ACTN1: variants seen among roughly 807,000 people sequenced by gnomAD.
ACTN1 encodes the protein actinin alpha 1, also known as alpha-actinin-1.
In ACTN1, 30 loss-of-function variants were observed where a neutral mutation model predicts 119.6. The observed-to-expected ratio is 0.25, with a 90% CI of 0.19 to 0.34. ACTN1 has a LOEUF of 0.34. Ranked by LOEUF, ACTN1 falls within the 10% of genes least tolerant of loss-of-function variation. The pLI, the probability that ACTN1 is intolerant of heterozygous loss-of-function variation, is 1.00. For synonymous variants in ACTN1, 429 were observed against 472.6 expected, an observed-to-expected ratio of 0.91 and a Z score of 1.20; for missense variants, 764 against 1,223.4, an observed-to-expected ratio of 0.62 and a Z score of 5.60.
chr14:68,878,900 T>C lies in ACTN1; in HGVS notation c.2361+89A>G. On this transcript the variant is annotated intron_variant, in intron 19 of 21. Transcript: ENST00000394419. This position sits in a 1 kb window ranked among gnomAD's most constrained non-coding sequence, Gnocchi z 4.4. ...TGGCCCACAGGAGGGGGACAGGAGA[T>C]CCAGACAGAGAGAAGAGAAAAAGGA... 6.2e-7 allele frequency: 1 copy of C among 1,602,152 alleles called. No individual in the cohort carries two copies. Among genetic ancestry groups the C allele is most frequent in the South Asian group, 1.1e-5 (1 of 90,782 alleles).
intron 8 of ACTN1, among the ~76,000 whole-genome samples, chr14:68,895,598 C>T (rs982279433): frequency 5.3e-5 from 8 of 152,122 alleles, no homozygotes; most frequent in African/African-American, 1.2e-4. Context: ...TGTGCCACCC[C>T]GGAAGACTAT....
At chr14:68,962,333 A>G (rs1372026652) in intron 1 of ACTN1, among the ~76,000 whole-genome samples, 1 of 152,066 alleles carries the variant, frequency 6.6e-6, no homozygotes, top group Non-Finnish European at 1.5e-5. Context: ...GAGTGAGCTC[A>G]TTCCCTTCCA....
Position 68,879,782 on chromosome 14 carries a change from C to A in ACTN1, c.2280+180G>T. ...GAAAGCAGGGAAGCTTATGGGGCAC[C>A]AACACAGGTTTTCCAAGGCTGGTTT... On this transcript the variant is annotated intron_variant, in intron 18 of 21. Coordinates refer to ENST00000394419, the MANE Select transcript of ACTN1 (RefSeq NM_001130004.2). This position sits in a 1 kb window ranked among gnomAD's most constrained non-coding sequence, Gnocchi z 4.9. The A allele has an allele frequency of 1.3e-6, 1 of 792,758 alleles. No homozygotes were observed. Among genetic ancestry groups the A allele is most frequent in the Admixed American group, 3.0e-5 (1 of 33,808 alleles). 49.1% of individuals were successfully genotyped at this position (792,758 alleles called of 1,614,324 possible).
intron 2 of ACTN1, among the ~76,000 whole-genome samples, chr14:68,924,318 G>GA (rs1411300682): frequency 6.6e-6 from 1 of 152,022 alleles, no homozygotes; most frequent in Non-Finnish European, 1.5e-5. Context: ...TCTGAAAGTA[G>GA]AAAAAACTAC....
At chr14:68,921,239 A>G (rs552643660) in intron 2 of ACTN1, 114 bp from the exon 3 acceptor site, 3 of 1,378,830 alleles carry the variant, frequency 2.2e-6, no homozygotes, top group South Asian at 2.7e-5. Context: ...AAGCATGTGC[A>G]TGTGTGCACG....
chr14:68,876,181 A>G (rs79814501), intron 21 of ACTN1, among the ~76,000 whole-genome samples: 9,590 of 152,176 alleles, frequency 0.063, 339 homozygotes, highest in East Asian at 0.14. Context: ...TATTTTTAGT[A>G]GAGACAAGGT....
At chr14:68,963,912 T>C (rs1294807438) in intron 1 of ACTN1, among the ~76,000 whole-genome samples, 3 of 152,194 alleles carry the variant, frequency 2.0e-5, no homozygotes, top group Admixed American at 1.3e-4. Flanking sequence ...GTGTGAATTT[T>C]CCATAAGTTT....
intron 1 of ACTN1, among the ~76,000 whole-genome samples, chr14:68,954,927 C>A (rs1447631861): frequency 6.6e-6 from 1 of 152,174 alleles, no homozygotes. Flanking sequence ...GATGAAGTGT[C>A]CTGGAGATCC....
Position 68,885,742 on chromosome 14 carries a change from C to T in ACTN1, c.1235-167G>A. On this transcript the variant is annotated intron_variant, in intron 11 of 21. Coordinates refer to ENST00000394419, the MANE Select transcript of ACTN1 (RefSeq NM_001130004.2). The surrounding 1 kb of genome is among the most constrained non-coding windows in gnomAD (Gnocchi z 5.6). ...TGCAAAAGCAGATGTGCAACTAGAA[C>T]ATCCACCAACCGGCGCAACGGGGAA... 4.0e-6 allele frequency: 3 copies of T among 746,840 alleles called. No homozygotes were observed. The highest frequency in any genetic ancestry group is 3.8e-5 in the South Asian group (2 of 53,224). 46.3% of individuals were successfully genotyped at this position (746,840 alleles called of 1,614,324 possible).
chr14:68,921,253 G>GT (rs1379242925), intron 2 of ACTN1, 128 bp from the exon 3 acceptor site: 1 of 1,211,584 alleles, frequency 8.3e-7, no homozygotes, highest in Non-Finnish European at 1.1e-6. Flanking sequence ...GTGCACGTGT[G>GT]TGTGTGCTCA....
At chr14:68,905,298 C>A (rs1232861929) in intron 6 of ACTN1, among the ~76,000 whole-genome samples, 1 of 152,174 alleles carries the variant, frequency 6.6e-6, no homozygotes, top group Admixed American at 6.5e-5. Context: ...GAACACTTAG[C>A]GGGGCTTGGC....
chr14:68,950,565 CTT>C (rs558318048), intron 1 of ACTN1, among the ~76,000 whole-genome samples: 4 of 141,870 alleles, frequency 2.8e-5, no homozygotes, highest in Non-Finnish European at 4.6e-5. Context: ...GCATGTCAAA[CTT>C]TTTTTTTTTT....
intron 1 of ACTN1, among the ~76,000 whole-genome samples, chr14:68,944,626 C>A (rs1475408426): frequency 6.6e-6 from 1 of 152,114 alleles, no homozygotes; most frequent in Non-Finnish European, 1.5e-5. Flanking sequence ...TCCTGGAAGG[C>A]ATAAGGCTAA....
intron 1 of ACTN1, among the ~76,000 whole-genome samples, chr14:68,946,473 G>C (rs879396004): frequency 1.3e-5 from 2 of 152,084 alleles, no homozygotes; most frequent in Admixed American, 6.5e-5. Context: ...AAACTTCCCA[G>C]CCCAATAAAA....
Position 68,885,995 on chromosome 14 carries a change from C to A in ACTN1, c.1235-420G>T. 1 of 180,394 alleles carries A rather than the reference C, an allele frequency of 5.5e-6. No individual in the cohort carries two copies. The highest frequency in any genetic ancestry group is 1.2e-5 in the Non-Finnish European group (1 of 83,650). 11.2% of individuals were successfully genotyped at this position (180,394 alleles called of 1,614,324 possible). On this transcript the variant is annotated intron_variant, in intron 11 of 21. Transcript: ENST00000394419. This position sits in a 1 kb window ranked among gnomAD's most constrained non-coding sequence, Gnocchi z 5.6. ...CTGGCTGCCGGCAGCCCTGCAGGGG[C>A]CCCTTCCCTCGGTCAGTGTGTCCAG...
rs2031947012 is a variant in ACTN1, at chr14:68,885,730, G to A, written c.1235-155C>T. ...GGATCTGCAGGGTGCAAAAGCAGAT[G>A]TGCAACTAGAACATCCACCAACCGG... On this transcript the variant is annotated intron_variant, in intron 11 of 21. Coordinates refer to ENST00000394419, the MANE Select transcript of ACTN1 (RefSeq NM_001130004.2). The surrounding 1 kb of genome is among the most constrained non-coding windows in gnomAD (Gnocchi z 5.6). 1.2e-6 allele frequency: 1 copy of A among 850,260 alleles called. No individual in the cohort carries two copies. Among genetic ancestry groups the A allele is most frequent in the Admixed American group, 2.9e-5 (1 of 34,862 alleles). The allele number at this position is 850,260 out of a possible 1,614,324, so 52.7% of individuals were successfully genotyped here.
chr14:68,967,251 T>C (rs954733340), intron 1 of ACTN1, among the ~76,000 whole-genome samples: 2 of 152,186 alleles, frequency 1.3e-5, no homozygotes, highest in Non-Finnish European at 2.9e-5. Context: ...CCTTGGTGAC[T>C]CAGACTACCA....
rs1043692973 is a variant in ACTN1, at chr14:68,885,733, C to T, written c.1235-158G>A. 1 of 807,278 alleles carries T rather than the reference C, an allele frequency of 1.2e-6. No homozygotes were observed. Among genetic ancestry groups the T allele is most frequent in the Non-Finnish European group, 1.9e-6 (1 of 525,564 alleles). The allele number at this position is 807,278 out of a possible 1,614,324, so 50.0% of individuals were successfully genotyped here. On this transcript the variant is annotated intron_variant, in intron 11 of 21. Transcript: ENST00000394419. The surrounding 1 kb of genome is among the most constrained non-coding windows in gnomAD (Gnocchi z 5.6). Reference sequence around the variant, plus strand: ...TCTGCAGGGTGCAAAAGCAGATGTGCAACTAGAACATCCACCAACCGGCGC... The same window carrying T: ...TCTGCAGGGTGCAAAAGCAGATGTGTAACTAGAACATCCACCAACCGGCGC...
At chr14:68,945,467 T>A (rs954660886) in intron 1 of ACTN1, among the ~76,000 whole-genome samples, 1 of 152,158 alleles carries the variant, frequency 6.6e-6, no homozygotes, top group Non-Finnish European at 1.5e-5. Flanking sequence ...GCCAATCAGA[T>A]GCTGGTTACA....
Sources: allele counts gnomAD v4.1 joint callset (sites outside exome capture counted in the v4.1 genomes callset), GRCh38; gene constraint gnomAD v4.1.1; non-coding constraint Gnocchi (gnomAD v3.1); transcripts MANE v1.5; gene names NCBI Gene and HGNC (gene_info 2026-07-23, HGNC 2026-07-21).